ARAP1: variants seen among roughly 807,000 people sequenced by gnomAD.
The protein encoded by ARAP1 is ArfGAP with RhoGAP domain, ankyrin repeat and PH domain 1.
A neutral mutation model predicts 172.2 loss-of-function variants in ARAP1; 76 were observed. The observed-to-expected ratio is 0.44, with a 90% CI of 0.37 to 0.53. The LOEUF (loss-of-function observed/expected upper bound fraction) is 0.53. Ranked by LOEUF, ARAP1 falls within the 20% of genes least tolerant of loss-of-function variation. The pLI, the probability that ARAP1 is intolerant of heterozygous loss-of-function variation, is 0.00. For synonymous variants in ARAP1, 804 were observed against 803.3 expected (o/e 1.00, Z -0.01); for missense variants, 1,686 against 1,977.5 (o/e 0.85, Z 2.80).
At chr11:72,712,651 C>T in intron 5 of ARAP1, 83 bp from the exon 6 acceptor site, 1 of 1,598,414 alleles carries the variant, frequency 6.3e-7, no homozygotes, top group Non-Finnish European at 8.5e-7. Flanking sequence ...CCCCTCTGTC[C>T]ACACAGCCCC....
intron 14 of ARAP1, chr11:72,703,396 T>G: frequency 9.6e-6 from 1 of 104,458 alleles, no homozygotes; most frequent in Non-Finnish European, 1.8e-5. Flanking sequence ...TCCTTCTGCC[T>G]TGTGGAGGAG....
At position 72,695,178 on chromosome 11, in the gene ARAP1, G is replaced by A. The variant is rs1434596900; in HGVS notation, c.3577-81C>T. On this transcript the variant is annotated intron_variant, in intron 26 of 34. Transcript: ENST00000393609. The surrounding 1 kb of genome is among the most constrained non-coding windows in gnomAD (Gnocchi z 4.4). ...AACCTTGCTATGTGACTCAGAGCCT[G>A]AGCCCATCCTTCTCAGGCCCTTCTG... 4 of 1,489,576 alleles carry A rather than the reference G, an allele frequency of 2.7e-6. No homozygotes were observed. The highest frequency in any genetic ancestry group is 3.7e-6 in the Non-Finnish European group (4 of 1,077,774). The allele number at this position is 1,489,576 out of a possible 1,614,324, so 92.3% of individuals were successfully genotyped here. A position where few individuals can be genotyped will look rare whatever the true frequency, so the allele number is the denominator to read the frequency against.
In ARAP1 at chr11:72,710,393, T is replaced by A; in HGVS notation, c.1408A>T (p.Asn470Tyr). Residue 470 changes from asparagine to tyrosine, a missense_variant, in exon 10 of 35, where the codon AAT becomes TAT. Around this residue, in one of 5 missense-constraint regions of ARAP1, gnomAD observed 688 missense variants for 856.9 expected, o/e 0.80. Coordinates refer to ENST00000393609, the MANE Select transcript of ARAP1 (RefSeq NM_001040118.3). This position sits in a 1 kb window ranked among gnomAD's most constrained non-coding sequence, Gnocchi z 4.3. ...VVGDKVQLYK[N>Y]LEEYHLGIGI... ...CCATGACCCCTTAGCACCTCTAGAT[T>A]CTTGTAGAGCTGCACTTTGTCCCCG... 6.2e-7 allele frequency: 1 copy of A among 1,613,880 alleles called. No homozygotes were observed. The highest frequency in any genetic ancestry group is 1.7e-5 in the Admixed American group (1 of 59,994).
intron 1 of ARAP1, among the ~76,000 whole-genome samples, chr11:72,743,935 C>G (rs1032000861): frequency 4.6e-5 from 7 of 152,098 alleles, no homozygotes; most frequent in Non-Finnish European, 1.0e-4. Flanking sequence ...GGGCTTCCAC[C>G]CACTGGCTCC....
intron 11 of ARAP1, 108 bp from the exon 12 acceptor site, chr11:72,707,482 G>T: frequency 9.5e-7 from 1 of 1,054,896 alleles, no homozygotes; most frequent in Non-Finnish European, 1.3e-6. Context: ...GGAGCGCTTA[G>T]GCAAAAGAGT....
Position 72,696,854 on chromosome 11 carries a change from G to C in ARAP1, c.3166+129C>G, listed in dbSNP as rs983845147. The stretch of plus-strand genomic sequence containing the variant: ...CTGTATGGAGCGGCGATGGGAATGA[G>C]AAGCAGAGGCAGGCAACTGGAGCCT... On this transcript the variant is annotated intron_variant, in intron 22 of 34. Coordinates refer to ENST00000393609, the MANE Select transcript of ARAP1 (RefSeq NM_001040118.3). 1.0e-5 allele frequency: 11 copies of C among 1,091,540 alleles called. No homozygotes were observed. In the African/African-American group the frequency reaches 1.7e-4, roughly 17 times the overall value. 67.6% of individuals were successfully genotyped at this position (1,091,540 alleles called of 1,614,324 possible).
At chr11:72,714,013 G>T in intron 4 of ARAP1, 139 bp downstream of exon 4, 1 of 967,082 alleles carries the variant, frequency 1.0e-6, no homozygotes, top group Non-Finnish European at 1.4e-6. Context: ...GGGAGGCTGT[G>T]ACCTGCCCGG....
chr11:72,745,665 G>C (rs72966136), intron 1 of ARAP1, among the ~76,000 whole-genome samples: 12,372 of 152,044 alleles, frequency 0.081, 614 homozygotes, highest in South Asian at 0.15. Flanking sequence ...TGGGAAGCAC[G>C]ACCCCGCCAG....
intron 3 of ARAP1, among the ~76,000 whole-genome samples, chr11:72,720,372 C>T (rs1565225549): frequency 6.6e-6 from 1 of 152,192 alleles, no homozygotes; most frequent in African/African-American, 2.4e-5. Flanking sequence ...CAGCACTCTC[C>T]TGGTTCTGCT....
In ARAP1 at chr11:72,685,641, G is replaced by A; in HGVS notation, c.*23C>T. Reference sequence around the variant, plus strand: ...GAAGGCTTCCAGCGGCGGAATCCTAGAGCCAAGGATGGGCTCCTGTGCTCA... The same window carrying A: ...GAAGGCTTCCAGCGGCGGAATCCTAAAGCCAAGGATGGGCTCCTGTGCTCA... On this transcript the variant is annotated 3_prime_UTR_variant, in exon 35 of 35. Transcript: ENST00000393609. The A allele has an allele frequency of 6.2e-7, 1 of 1,614,136 alleles. No individual in the cohort carries two copies. Among genetic ancestry groups the A allele is most frequent in the Non-Finnish European group, 8.5e-7 (1 of 1,179,982 alleles).
chr11:72,746,810 A>C lies in ARAP1; in HGVS notation c.-128+5518T>G, dbSNP rs944613381. Among the ~76,000 whole-genome samples the C allele has an allele frequency of 3.3e-5, 5 of 152,220 alleles. 1 individual carries two copies. The highest frequency in any genetic ancestry group is 3.3e-4 in the Admixed American group (5 of 15,288). On this transcript the variant is annotated intron_variant, in intron 1 of 34. Transcript: ENST00000393609. ...AAGCTCCAGGGAAGTTGAGTACAGT[A>C]AAGATAAATGCCCAGCCAAAGGTCT... is the stretch of plus-strand genomic sequence containing the variant.
In ARAP1 at chr11:72,711,297, G is replaced by A. The variant is rs960099806; in HGVS notation, c.1092+133C>T. On this transcript the variant is annotated intron_variant, in intron 8 of 34. Transcript: ENST00000393609. ...GCAGCCCTCAGCAGGCAGAGGGCCAGGAGGACATGGGTTAAGGGGTCAGAC... is the reference window on the plus strand; with the variant it reads ...GCAGCCCTCAGCAGGCAGAGGGCCAAGAGGACATGGGTTAAGGGGTCAGAC... 46 of 1,459,454 alleles carry A rather than the reference G, an allele frequency of 3.2e-5. 1 individual carries two copies. In the South Asian group the frequency reaches 5.8e-4, roughly 18 times the overall value. 90.4% of individuals were successfully genotyped at this position (1,459,454 alleles called of 1,614,324 possible).
chr11:72,700,433 T>C (rs1319885324), intron 16 of ARAP1: 1 of 152,306 alleles, frequency 6.6e-6, no homozygotes, highest in Non-Finnish European at 1.5e-5. Flanking sequence ...ACTCTGTCTC[T>C]CATCCTGTCT....
At chr11:72,746,443 G>T (rs574359852) in intron 1 of ARAP1, among the ~76,000 whole-genome samples, 1 of 152,224 alleles carries the variant, frequency 6.6e-6, no homozygotes, top group Non-Finnish European at 1.5e-5. Flanking sequence ...GCTGAAGCAC[G>T]GCACATGCCC....
Position 72,695,045 on chromosome 11 carries a change from C to T in ARAP1, c.3629G>A (p.Arg1210Gln), listed in dbSNP as rs773658481. Residue 1210 changes from arginine (R) to glutamine (Q), a missense_variant, in exon 27 of 35, where the codon CGG becomes CAG. By Grantham distance (43) the Arg-to-Gln change is conservative. This residue lies in a region of ARAP1 where 379 missense variants were observed against 500.1 expected (regional missense o/e 0.76). Transcript: ENST00000393609. The surrounding 1 kb of genome is among the most constrained non-coding windows in gnomAD (Gnocchi z 4.4). Reference protein sequence around the residue: ...EELTLEILDRRNVGIREKDYW... With the variant: ...EELTLEILDRQNVGIREKDYW... Reference sequence around the variant, plus strand: ...GTCCTTCTCCCTGATGCCCACGTTCCGGCGATCCAGGATCTCCAGGGTGAG... The same window carrying T: ...GTCCTTCTCCCTGATGCCCACGTTCTGGCGATCCAGGATCTCCAGGGTGAG... 13 of 1,614,128 alleles carry T rather than the reference C, an allele frequency of 8.1e-6. No homozygotes were observed. Among genetic ancestry groups the T allele is most frequent in the South Asian group, 1.1e-5 (1 of 91,078 alleles).
intron 19 of ARAP1, 75 bp from the exon 20 acceptor site, chr11:72,697,724 C>T (rs548278126): frequency 1.3e-6 from 2 of 1,586,838 alleles, no homozygotes; most frequent in African/African-American, 2.7e-5. Flanking sequence ...TCTGTGAGCA[C>T]ACACACACCC....
intron 1 of ARAP1, among the ~76,000 whole-genome samples, chr11:72,736,799 C>T (rs1858042309): frequency 6.6e-6 from 1 of 152,222 alleles, no homozygotes. Context: ...TCAACTTCAT[C>T]CAGCTCTGAC....
At position 72,722,193 on chromosome 11, in the gene ARAP1, GA is replaced by G. The variant is rs999330073; in HGVS notation, c.509+4426del. On this transcript the variant is annotated intron_variant, in intron 3 of 34. Transcript: ENST00000393609. ...AGAGAAAGACAGAGGGAGAGAGAGA[GA>G]GAGTGTGTGTGAGTGTGTGTGACTC... The G allele has an allele frequency of 1.7e-5, 17 of 985,622 alleles. No homozygotes were observed. The African/African-American group carries it at 2.6e-4, about 15-fold the overall frequency. 61.1% of individuals were successfully genotyped at this position (985,622 alleles called of 1,614,324 possible). A position where few individuals can be genotyped will look rare whatever the true frequency, so the allele number is the denominator to read the frequency against.
chr11:72,701,924 C>G, intron 15 of ARAP1, 141 bp from the exon 16 acceptor site: 1 of 1,103,540 alleles, frequency 9.1e-7, no homozygotes, highest in Non-Finnish European at 1.3e-6. Flanking sequence ...CAAGCTCCCC[C>G]TCCTACCTGC....
Sources: gnomAD v4.1 joint callset for allele counts (sites outside exome capture counted in the v4.1 genomes callset) on GRCh38, gnomAD v4.1.1 for gene constraint, gnomAD v4.1.1 regional missense constraint, Gnocchi (gnomAD v3.1) non-coding constraint, MANE v1.5 for transcripts, NCBI Gene and HGNC (gene_info 2026-07-23, HGNC 2026-07-21) for gene names.